EXOC6: variants seen among roughly 807,000 people sequenced by gnomAD.
The protein encoded by EXOC6 is exocyst complex component 6, also known as SEC15-like 1.
EXOC6 carries 60 observed loss-of-function variants against 112.5 expected under a neutral mutation model. That is an observed-to-expected ratio of 0.53 (90% CI 0.43 to 0.66). The LOEUF (loss-of-function observed/expected upper bound fraction) is 0.66, where lower values mean the gene tolerates loss of function less well. Ranked by LOEUF, EXOC6 falls within the 30% of genes least tolerant of loss-of-function variation. The pLI, the probability that EXOC6 is intolerant of heterozygous loss-of-function variation, is 0.00. For synonymous variants in EXOC6, 295 were observed against 308.0 expected, an observed-to-expected ratio of 0.96 and a Z score of 0.44; for missense variants, 855 against 957.1, an observed-to-expected ratio of 0.89 and a Z score of 1.41.
At chr10:93,027,376 C>CT (rs1721498528) in intron 20 of EXOC6, among the ~76,000 whole-genome samples, 1 of 152,196 alleles carries the variant, frequency 6.6e-6, no homozygotes, top group African/African-American at 2.4e-5. Context: ...GAAGATCTAA[C>CT]TAAGATAATT....
intron 17 of EXOC6, among the ~76,000 whole-genome samples, chr10:92,966,285 AT>A (rs1307874069): frequency 2.6e-4 from 25 of 94,738 alleles, no homozygotes; most frequent in Admixed American, 1.7e-3. Context: ...AATTATAATT[AT>A]TATTATTATT....
rs1852389768 is a variant in EXOC6, at chr10:92,937,192, C to A, written c.1212+1307C>A. Among the ~76,000 whole-genome samples, 13 of 152,100 alleles carry A rather than the reference C, an allele frequency of 8.5e-5. 1 individual carries two copies. In the South Asian group the frequency reaches 2.7e-3, roughly 32 times the overall value. ...TATGGGATTTTATGGTTAGAAGTAA[C>A]TTTTCATGAAGTACAGACTAGCATT... On this transcript the variant is annotated intron_variant, in intron 12 of 21. Coordinates refer to ENST00000260762, the MANE Select transcript of EXOC6 (RefSeq NM_019053.6).
chr10:92,896,031 G>GTGTGTATATATATGTGTATATATA (rs1308484422), intron 4 of EXOC6, among the ~76,000 whole-genome samples: 4 of 125,378 alleles, frequency 3.2e-5, no homozygotes, highest in Non-Finnish European at 4.9e-5. Context: ...GTATATATAT[G>GTGTGTATATATATGTGTATATATA]TGTGTATATA....
At chr10:92,829,215 G>T (rs1408498577) in intron 1 of EXOC6, among the ~76,000 whole-genome samples, 1 of 152,074 alleles carries the variant, frequency 6.6e-6, no homozygotes, top group African/African-American at 2.4e-5. Flanking sequence ...ATTAGGGTAG[G>T]GTGGCCAGCT....
At chr10:93,003,035 G>A (rs1372950630) in intron 19 of EXOC6, among the ~76,000 whole-genome samples, 2 of 152,132 alleles carry the variant, frequency 1.3e-5, no homozygotes, top group East Asian at 3.9e-4. Context: ...CCAAAGAAAT[G>A]CTGGGCAACT....
chr10:92,873,241 T>C (rs1375384927), intron 1 of EXOC6, among the ~76,000 whole-genome samples: 1 of 152,166 alleles, frequency 6.6e-6, no homozygotes, highest in Non-Finnish European at 1.5e-5. Context: ...TGGCTGATTA[T>C]GAATTCAGGT....
At chr10:92,856,505 T>C (rs931156742) in intron 1 of EXOC6, among the ~76,000 whole-genome samples, 1 of 152,216 alleles carries the variant, frequency 6.6e-6, no homozygotes, top group African/African-American at 2.4e-5. Flanking sequence ...TTCTAAAATG[T>C]CCTTCTGTTA....
intron 20 of EXOC6, among the ~76,000 whole-genome samples, chr10:93,028,212 G>A (rs1290754663): frequency 6.6e-6 from 1 of 151,990 alleles, no homozygotes; most frequent in Non-Finnish European, 1.5e-5. Flanking sequence ...TGGGAGGATC[G>A]CCTGAGCCCT....
chr10:93,037,751 T>G (rs1267219551), intron 20 of EXOC6, among the ~76,000 whole-genome samples: 5 of 151,154 alleles, frequency 3.3e-5, no homozygotes, highest in Non-Finnish European at 7.4e-5. Flanking sequence ...TTACTCATTT[T>G]TAAGAAATAT....
At position 92,974,033 on chromosome 10, in the gene EXOC6, G is replaced by T. The variant is rs2134087868; in HGVS notation, c.1774-20G>T. 10 of 1,550,802 alleles carry T rather than the reference G, an allele frequency of 6.4e-6. No individual in the cohort carries two copies. Among genetic ancestry groups the T allele is most frequent in the African/African-American group, 1.4e-5 (1 of 71,584 alleles). ...TTATTATCTGTTTCTTGTCTTTGTT[G>T]TTATTTTGTCCCATGTCAGGATGCT... is the stretch of plus-strand genomic sequence containing the variant. On this transcript the variant is annotated intron_variant, in intron 17 of 21. Coordinates refer to ENST00000260762, the MANE Select transcript of EXOC6 (RefSeq NM_019053.6).
chr10:92,886,454 A>C (rs1849222800), intron 1 of EXOC6, among the ~76,000 whole-genome samples: 1 of 152,188 alleles, frequency 6.6e-6, no homozygotes, highest in African/African-American at 2.4e-5. Flanking sequence ...CACATCAGGG[A>C]TTCCCTATTG....
rs939121509 is a variant in EXOC6 at position 92,916,614 on chromosome 10, A to G, written c.819+701A>G. Among the ~76,000 whole-genome samples, 3 of 152,318 alleles carry G rather than the reference A, an allele frequency of 2.0e-5. No individual in the cohort carries two copies. The South Asian group carries it at 6.2e-4, about 32-fold the overall frequency. On this transcript the variant is annotated intron_variant, in intron 7 of 21. Coordinates refer to ENST00000260762, the MANE Select transcript of EXOC6 (RefSeq NM_019053.6). ...CAAGTCCTTTCTAGCAACTAGTGACACTCACCAGTGAACTTTCTTTCAAAA... is the reference window on the plus strand; with the variant it reads ...CAAGTCCTTTCTAGCAACTAGTGACGCTCACCAGTGAACTTTCTTTCAAAA...
chr10:92,939,750 G>C (rs567779855), intron 12 of EXOC6, among the ~76,000 whole-genome samples: 1 of 152,218 alleles, frequency 6.6e-6, no homozygotes, highest in South Asian at 2.1e-4. Context: ...GAAACTGGAA[G>C]GATTGTTCAT....
intron 1 of EXOC6, among the ~76,000 whole-genome samples, chr10:92,829,428 A>G (rs1846437104): frequency 6.6e-6 from 1 of 151,998 alleles, no homozygotes; most frequent in African/African-American, 2.4e-5. Context: ...TCTGCTCTTA[A>G]CCTCACTCCA....
At chr10:92,988,936 C>T (rs1219459263) in intron 18 of EXOC6, among the ~76,000 whole-genome samples, 2 of 152,162 alleles carry the variant, frequency 1.3e-5, no homozygotes, top group African/African-American at 4.8e-5. Flanking sequence ...TTATTTATAA[C>T]TGTAAAAATC....
chr10:92,921,650 CT>C (rs555576702), intron 8 of EXOC6, among the ~76,000 whole-genome samples: 3,483 of 138,666 alleles, frequency 0.025, 44 homozygotes, highest in African/African-American at 0.041. Context: ...TTCTTTCTTT[CT>C]TTTTTTTTTT....
At chr10:92,828,635 G>GTTT (rs11361269) in intron 1 of EXOC6, among the ~76,000 whole-genome samples, 1,437 of 127,106 alleles carry the variant, frequency 0.011, 54 homozygotes, top group African/African-American at 0.041. Flanking sequence ...TGCCCCGCCA[G>GTTT]TTTTTTTTTT....
chr10:92,872,608 T>A (rs1848506586), intron 1 of EXOC6, among the ~76,000 whole-genome samples: 1 of 152,094 alleles, frequency 6.6e-6, no homozygotes, highest in Non-Finnish European at 1.5e-5. Context: ...CTTGTTTCTC[T>A]TTTTTGTTGC....
At chr10:92,832,255 T>A (rs1318066100), upstream of EXOC6, among the ~76,000 whole-genome samples, 1 of 152,226 alleles carries the variant, frequency 6.6e-6, no homozygotes, top group Non-Finnish European at 1.5e-5. Context: ...TTCTTGAGTA[T>A]CTACTATAAC....
Sources: gnomAD v4.1 joint callset for allele counts (sites outside exome capture counted in the v4.1 genomes callset) on GRCh38, gnomAD v4.1.1 for gene constraint, MANE v1.5 for transcripts, NCBI Gene and HGNC (gene_info 2026-07-23, HGNC 2026-07-21) for gene names.